Variants in ATXN2 observed in about 807,000 individuals in gnomAD.
ATXN2 encodes ataxin 2, also known as ataxin-2.
Under a neutral mutation model 138.6 loss-of-function variants are expected in ATXN2, and 37 were observed. The observed-to-expected ratio is 0.27, with a 90% CI of 0.21 to 0.35. ATXN2 has a LOEUF of 0.35. Ranked by LOEUF, ATXN2 falls within the 10% of genes least tolerant of loss-of-function variation. The pLI, the probability that ATXN2 is intolerant of heterozygous loss-of-function variation, is 1.00. For missense variants in ATXN2, 1,216 were observed against 1,480.3 expected (o/e 0.82, Z 2.93); for synonymous variants, 549 against 543.7 (o/e 1.01, Z -0.13).
chr12:111,509,440 T>C (rs1463198609), intron 14 of ATXN2, 109 bp downstream of exon 14: 1 of 674,238 alleles, frequency 1.5e-6, no homozygotes, highest in South Asian at 1.7e-5. Flanking sequence ...TTTCTACATA[T>C]ATGGTTTGAT....
chr12:111,521,996 T>C (rs1175861062), intron 6 of ATXN2, among the ~76,000 whole-genome samples: 1 of 152,102 alleles, frequency 6.6e-6, no homozygotes, highest in Non-Finnish European at 1.5e-5. Flanking sequence ...CCAGTAAAGG[T>C]TGTAATCCAT....
chr12:111,557,276 T>C (rs1300252210), intron 1 of ATXN2, among the ~76,000 whole-genome samples: 1 of 152,208 alleles, frequency 6.6e-6, no homozygotes, highest in African/African-American at 2.4e-5. Flanking sequence ...GGTCGATCCC[T>C]AGAAGAGTAC....
In ATXN2 at chr12:111,579,378, T is replaced by C. The variant is rs539862154; in HGVS notation, c.251+19406A>G. 9.2e-5 allele frequency among the ~76,000 whole-genome samples: 14 copies of C among 152,228 alleles called. No individual in the cohort carries two copies. In the South Asian group the frequency reaches 2.9e-3, roughly 32 times the overall value. ...CCCGGGTTCAAGCGATTCTCCTGCCTCAGCCTCCTGAGTAGCTAGGATTAC... is the reference window on the plus strand; with the variant it reads ...CCCGGGTTCAAGCGATTCTCCTGCCCCAGCCTCCTGAGTAGCTAGGATTAC... On this transcript the variant is annotated intron_variant, in intron 1 of 24. Transcript: ENST00000673436.
At chr12:111,490,477 C>A (rs188223149) in intron 14 of ATXN2, among the ~76,000 whole-genome samples, 18 of 151,934 alleles carry the variant, frequency 1.2e-4, no homozygotes, top group African/African-American at 4.4e-4. Flanking sequence ...CAGAATGAGA[C>A]CTGACTGTAC....
At chr12:111,507,015 A>G (rs956995063) in intron 14 of ATXN2, among the ~76,000 whole-genome samples, 1 of 151,870 alleles carries the variant, frequency 6.6e-6, no homozygotes, top group African/African-American at 2.4e-5. Flanking sequence ...GGCTCGCTAC[A>G]ACCTCCACCT....
intron 10 of ATXN2, among the ~76,000 whole-genome samples, chr12:111,514,106 T>C (rs1879719680): frequency 1.3e-5 from 2 of 152,336 alleles, no homozygotes; most frequent in Admixed American, 6.5e-5. Context: ...TCTTCTATCA[T>C]GATCATCAAT....
chr12:111,567,334 T>C (rs1262342086), intron 1 of ATXN2, among the ~76,000 whole-genome samples: 1 of 151,944 alleles, frequency 6.6e-6, no homozygotes, highest in Non-Finnish European at 1.5e-5. Flanking sequence ...ACCCCGTCTC[T>C]ACTAAAAATA....
Position 111,503,378 on chromosome 12 carries a change from G to A in ATXN2, c.1935+6171C>T, listed in dbSNP as rs559147347. Among the ~76,000 whole-genome samples, 16 of 152,302 alleles carry A rather than the reference G, an allele frequency of 1.1e-4. No homozygotes were observed. The South Asian group carries it at 2.7e-3, about 26-fold the overall frequency. ...GATTACTTAACTTCTCTTTGCCCAAGCTGCCTAATATACACAGTGCAGATA... is the reference window on the plus strand; with the variant it reads ...GATTACTTAACTTCTCTTTGCCCAAACTGCCTAATATACACAGTGCAGATA... On this transcript the variant is annotated intron_variant, in intron 14 of 24. Transcript: ENST00000673436.
Position 111,525,312 on chromosome 12 carries a change from A to G in ATXN2, c.576T>C (p.Ala192=). 1 of 1,580,198 alleles carries G rather than the reference A, an allele frequency of 6.3e-7. No homozygotes were observed. Among genetic ancestry groups the G allele is most frequent in the East Asian group, 2.3e-5 (1 of 43,756 alleles). ...DMDSSYAKRD[A]FTDSAISAKV... ...TAGCACTGATAGCAGAGTCAGTAAAAGCATCTGCAAAGAATGGTTTTGGTT... is the reference window on the plus strand; with the variant it reads ...TAGCACTGATAGCAGAGTCAGTAAAGGCATCTGCAAAGAATGGTTTTGGTT... The change falls in exon 6 of 25, where the codon GCT becomes GCC. Residue 192 remains alanine (A), a synonymous_variant. Transcript: ENST00000673436.
intron 1 of ATXN2, among the ~76,000 whole-genome samples, chr12:111,583,929 C>T (rs1402194944): frequency 6.6e-6 from 1 of 151,952 alleles, no homozygotes; most frequent in African/African-American, 2.4e-5. Flanking sequence ...CAATGTTCAT[C>T]AAAAATTCAA....
intron 1 of ATXN2, among the ~76,000 whole-genome samples, chr12:111,566,296 G>A (rs998482692): frequency 6.6e-6 from 1 of 151,880 alleles, no homozygotes; most frequent in Non-Finnish European, 1.5e-5. Context: ...GGTGGGCATG[G>A]TGGTGCATGC....
intron 1 of ATXN2, among the ~76,000 whole-genome samples, chr12:111,584,482 A>C (rs1884211412): frequency 6.6e-6 from 1 of 151,824 alleles, no homozygotes; most frequent in Non-Finnish European, 1.5e-5. Context: ...GTTGGCCAAA[A>C]ATTACATTTT....
intron 18 of ATXN2, among the ~76,000 whole-genome samples, chr12:111,476,194 C>T (rs906857054): frequency 6.6e-6 from 1 of 152,190 alleles, no homozygotes; most frequent in Non-Finnish European, 1.5e-5. Flanking sequence ...CTCAAGCGAT[C>T]CTCCTGCCTT....
chr12:111,552,427 C>G lies in ATXN2; in HGVS notation c.424G>C (p.Asp142His). The change falls in exon 5 of 25, where the codon GAT becomes CAT. Residue 142 changes from aspartate (D) to histidine (H), a missense_variant. Coordinates refer to ENST00000673436, the MANE Select transcript of ATXN2 (RefSeq NM_001372574.1). The surrounding 1 kb of genome is among the most constrained non-coding windows in gnomAD (Gnocchi z 4.1). ...TCATGTGCGGCATCAAGTACCAAATCACACTAAAATGAAAAACACAAGTAA... is the reference window on the plus strand; with the variant it reads ...TCATGTGCGGCATCAAGTACCAAATGACACTAAAATGAAAAACACAAGTAA... Reference protein sequence around the residue: ...GVFKTYSPKCDLVLDAAHEKS... With the variant: ...GVFKTYSPKCHLVLDAAHEKS... 6.2e-7 allele frequency: 1 copy of G among 1,604,994 alleles called. No homozygotes were observed.
At chr12:111,592,365 T>C (rs2135851636) in intron 1 of ATXN2, among the ~76,000 whole-genome samples, 1 of 152,068 alleles carries the variant, frequency 6.6e-6, no homozygotes, top group South Asian at 2.1e-4. Context: ...CACTCCAGCC[T>C]GGGCGACAGA....
At chr12:111,531,562 C>A (rs1880835150) in intron 5 of ATXN2, among the ~76,000 whole-genome samples, 2 of 150,440 alleles carry the variant, frequency 1.3e-5, no homozygotes, top group South Asian at 4.2e-4. Context: ...TCTGTTCTAA[C>A]TGAATTGTAT....
intron 1 of ATXN2, among the ~76,000 whole-genome samples, chr12:111,575,009 AATC>A (rs1294064866): frequency 6.6e-6 from 1 of 152,184 alleles, no homozygotes; most frequent in Admixed American, 6.6e-5. Flanking sequence ...GCTATGTGGT[AATC>A]ACATGAGATT....
At chr12:111,493,630 ATTTTTT>A (rs538107471) in intron 14 of ATXN2, among the ~76,000 whole-genome samples, 17 of 143,714 alleles carry the variant, frequency 1.2e-4, no homozygotes, top group African/African-American at 4.3e-4. Flanking sequence ...AAGAACTACA[ATTTTTT>A]TTTTTTTTGT....
chr12:111,577,613 G>C (rs1883747698), intron 1 of ATXN2, among the ~76,000 whole-genome samples: 1 of 151,848 alleles, frequency 6.6e-6, no homozygotes, highest in South Asian at 2.1e-4. Flanking sequence ...CAACCAGTAA[G>C]TTAAGGTAAA....
Sources: allele counts gnomAD v4.1 joint callset (sites outside exome capture counted in the v4.1 genomes callset), GRCh38; gene constraint gnomAD v4.1.1; non-coding constraint Gnocchi (gnomAD v3.1); transcripts MANE v1.5; gene names NCBI Gene and HGNC (gene_info 2026-07-23, HGNC 2026-07-21).